The following CYSLTR2 variants were observed in gnomAD, a reference collection of about 807,000 sequenced individuals.
CYSLTR2 encodes G-protein coupled receptor GPCR21.
For missense variants in CYSLTR2, 398 were observed against 411.9 expected (o/e 0.97, Z 0.29); for synonymous variants, 179 against 160.8 (o/e 1.11, Z -0.86).
At chr13:48,666,639 T>A (rs991041732) in intron 1 of CYSLTR2, among the ~76,000 whole-genome samples, 2 of 152,196 alleles carry the variant, frequency 1.3e-5, no homozygotes, top group Non-Finnish European at 2.9e-5. Context: ...AAAAGACCTG[T>A]CTTCGTGCTT....
chr13:48,681,026 T>C (rs1000586102), intron 1 of CYSLTR2, among the ~76,000 whole-genome samples: 2 of 152,134 alleles, frequency 1.3e-5, no homozygotes, highest in African/African-American at 4.8e-5. Context: ...TTTTTTCCTT[T>C]AGCTTTCTGG....
intron 4 of CYSLTR2, among the ~76,000 whole-genome samples, chr13:48,699,874 G>C (rs1429163016): frequency 6.6e-6 from 1 of 152,184 alleles, no homozygotes; most frequent in Non-Finnish European, 1.5e-5. Flanking sequence ...ACTACCATCA[G>C]AGAATACTAT....
At chr13:48,658,786 C>G (rs1953059489) in intron 1 of CYSLTR2, among the ~76,000 whole-genome samples, 2 of 151,996 alleles carry the variant, frequency 1.3e-5, no homozygotes, top group Admixed American at 1.3e-4. Context: ...ACTGAGTGTC[C>G]TTTACTGAGG....
At chr13:48,705,133 C>T (rs1029561536) in intron 4 of CYSLTR2, among the ~76,000 whole-genome samples, 5 of 152,204 alleles carry the variant, frequency 3.3e-5, no homozygotes, top group Admixed American at 6.5e-5. Flanking sequence ...AGAATTGGTA[C>T]GTCTTCTTAG....
At chr13:48,700,464 C>T (rs1954311121) in intron 4 of CYSLTR2, among the ~76,000 whole-genome samples, 1 of 152,152 alleles carries the variant, frequency 6.6e-6, no homozygotes, top group South Asian at 2.1e-4. Context: ...CAACAAAATT[C>T]AACAACCCTT....
At chr13:48,654,147 C>T (rs746287304) in intron 1 of CYSLTR2, 130 bp downstream of exon 1, 1 of 151,882 alleles carries the variant, frequency 6.6e-6, no homozygotes, top group Non-Finnish European at 1.5e-5. Context: ...ATTTTCCTAT[C>T]ATGTACATGG....
intron 1 of CYSLTR2, among the ~76,000 whole-genome samples, chr13:48,662,150 C>T (rs969102134): frequency 6.6e-6 from 1 of 152,140 alleles, no homozygotes; most frequent in Non-Finnish European, 1.5e-5. Context: ...ACATAATGTC[C>T]TCCATTTCCA....
chr13:48,680,091 T>G (rs1187885024), intron 1 of CYSLTR2, among the ~76,000 whole-genome samples: 1 of 152,234 alleles, frequency 6.6e-6, no homozygotes, highest in Non-Finnish European at 1.5e-5. Context: ...TTATTTGCAC[T>G]GTAGCAATTT....
At chr13:48,657,722 C>T (rs965259970) in intron 1 of CYSLTR2, among the ~76,000 whole-genome samples, 2 of 151,400 alleles carry the variant, frequency 1.3e-5, no homozygotes, top group African/African-American at 2.4e-5. Flanking sequence ...GAAACAGCAT[C>T]GTACCTTGTT....
At chr13:48,655,061 C>CTA (rs1290351331) in intron 1 of CYSLTR2, among the ~76,000 whole-genome samples, 2 of 152,284 alleles carry the variant, frequency 1.3e-5, no homozygotes, top group East Asian at 3.9e-4. Context: ...CTAGAAATTT[C>CTA]TATCATCTAC....
chr13:48,694,335 T>C (rs577691697), intron 3 of CYSLTR2, among the ~76,000 whole-genome samples: 8 of 152,356 alleles, frequency 5.3e-5, no homozygotes, highest in African/African-American at 1.9e-4. Context: ...GACAGACTTA[T>C]GGGGACTTGG....
intron 1 of CYSLTR2, among the ~76,000 whole-genome samples, chr13:48,665,179 G>A (rs1172699257): frequency 2.0e-5 from 3 of 151,854 alleles, no homozygotes; most frequent in Non-Finnish European, 1.5e-5. Flanking sequence ...TAAGTTACTC[G>A]GTATGATTTT....
At chr13:48,690,299 A>G (rs1470281740) in intron 1 of CYSLTR2, among the ~76,000 whole-genome samples, 2 of 152,038 alleles carry the variant, frequency 1.3e-5, no homozygotes, top group African/African-American at 4.8e-5. Flanking sequence ...GTTGAATAGG[A>G]GTGGTGAGAG....
At chr13:48,686,207 C>T (rs1369034219) in intron 1 of CYSLTR2, among the ~76,000 whole-genome samples, 3 of 152,144 alleles carry the variant, frequency 2.0e-5, no homozygotes, top group Non-Finnish European at 4.4e-5. Flanking sequence ...AATATGTTGA[C>T]AAACCACCTT....
At chr13:48,657,249 T>C (rs929486309) in intron 1 of CYSLTR2, among the ~76,000 whole-genome samples, 1 of 152,234 alleles carries the variant, frequency 6.6e-6, no homozygotes. Flanking sequence ...AATGGATTGA[T>C]GACTTTGTGG....
intron 4 of CYSLTR2, among the ~76,000 whole-genome samples, chr13:48,700,047 A>T (rs567537194): frequency 1.3e-5 from 2 of 152,344 alleles, no homozygotes; most frequent in Non-Finnish European, 2.9e-5. Flanking sequence ...AACCAAAAAA[A>T]GTCCAGGACC....
chr13:48,673,327 T>G (rs898868357), intron 1 of CYSLTR2, among the ~76,000 whole-genome samples: 1 of 152,170 alleles, frequency 6.6e-6, no homozygotes, highest in Non-Finnish European at 1.5e-5. Context: ...AGTTAGCTAT[T>G]CTTGTTGCAT....
At position 48,708,001 on chromosome 13, in the gene CYSLTR2, C is replaced by G; in HGVS notation, c.*143C>G. On this transcript the variant is annotated 3_prime_UTR_variant, in exon 5 of 5. Coordinates refer to ENST00000682523, the MANE Select transcript of CYSLTR2 (RefSeq NM_001308476.3). ...TGACCATTACTTTTGTTAATAAGAC[C>G]TACTTCAAAAATTTTATTCAGTGTA... 1.5e-6 allele frequency: 1 copy of G among 685,992 alleles called. No individual in the cohort carries two copies. Among genetic ancestry groups the G allele is most frequent in the Non-Finnish European group, 2.2e-6 (1 of 447,740 alleles). 42.5% of individuals were successfully genotyped at this position (685,992 alleles called of 1,614,324 possible). A position where few individuals can be genotyped will look rare whatever the true frequency, so the allele number is the denominator to read the frequency against.
At chr13:48,660,566 C>A (rs890568866) in intron 1 of CYSLTR2, among the ~76,000 whole-genome samples, 4 of 152,138 alleles carry the variant, frequency 2.6e-5, no homozygotes, top group Non-Finnish European at 4.4e-5. Flanking sequence ...CCCCTCCATC[C>A]CACTTCCTCT....
Sources: gnomAD v4.1 joint callset for allele counts (sites outside exome capture counted in the v4.1 genomes callset) on GRCh38, gnomAD v4.1.1 for gene constraint, MANE v1.5 for transcripts, NCBI Gene and HGNC (gene_info 2026-07-23, HGNC 2026-07-21) for gene names.